Variants in FGF14 observed in about 807,000 individuals in gnomAD.
FGF14 encodes fibroblast growth factor 14.
Under a neutral mutation model 25.5 loss-of-function variants are expected in FGF14, and 5 were observed. The ratio of observed to expected loss-of-function variants is 0.20; its 90% CI spans 0.10 to 0.41. The LOEUF (loss-of-function observed/expected upper bound fraction) is 0.41, where lower values mean the gene tolerates loss of function less well. Ranked by LOEUF, FGF14 falls within the 10% of genes least tolerant of loss-of-function variation. The pLI is 1.00. For synonymous variants in FGF14, 138 were observed against 118.3 expected (o/e 1.17, Z -1.08); for missense variants, 222 against 320.1 (o/e 0.69, Z 2.34).
At chr13:102,014,560 G>T (rs1333925310) in intron 1 of FGF14, among the ~76,000 whole-genome samples, 1 of 152,104 alleles carries the variant, frequency 6.6e-6, no homozygotes, top group Non-Finnish European at 1.5e-5. Context: ...TTATCGAAAA[G>T]TGATTTACAT....
chr13:102,370,195 G>A (rs753919218), intron 1 of FGF14, among the ~76,000 whole-genome samples: 27 of 152,078 alleles, frequency 1.8e-4, no homozygotes, highest in Non-Finnish European at 3.5e-4. Flanking sequence ...GTTTCACTAT[G>A]TTGCTAAGGC....
chr13:102,093,566 A>G (rs9518624), intron 1 of FGF14, among the ~76,000 whole-genome samples: 59,159 of 151,970 alleles, frequency 0.39, 13,530 homozygotes, highest in Non-Finnish European at 0.51. Context: ...ACATATCACA[A>G]TAAAAAGTGA....
intron 1 of FGF14, among the ~76,000 whole-genome samples, chr13:102,306,298 G>A (rs1488873109): frequency 6.6e-6 from 1 of 152,162 alleles, no homozygotes; most frequent in Non-Finnish European, 1.5e-5. Context: ...AGGATACAAA[G>A]AAGATGAAGA....
intron 1 of FGF14, among the ~76,000 whole-genome samples, chr13:102,161,999 A>G (rs922950786): frequency 6.6e-6 from 1 of 152,074 alleles, no homozygotes; most frequent in Non-Finnish European, 1.5e-5. Context: ...TGTTAATATT[A>G]CTCTATAACT....
chr13:102,298,589 C>T (rs1018223477), intron 1 of FGF14, among the ~76,000 whole-genome samples: 4 of 151,904 alleles, frequency 2.6e-5, no homozygotes, highest in African/African-American at 9.7e-5. Flanking sequence ...TGGTAAGTTC[C>T]GGTTTTTATT....
chr13:101,994,701 T>C (rs2039087304), intron 1 of FGF14, among the ~76,000 whole-genome samples: 2 of 152,220 alleles, frequency 1.3e-5, no homozygotes, highest in Middle Eastern at 3.4e-3. Flanking sequence ...ATAAAATTAG[T>C]AGCATGCAAA....
At chr13:101,876,935 C>T (rs1350288687) in intron 1 of FGF14, among the ~76,000 whole-genome samples, 2 of 151,390 alleles carry the variant, frequency 1.3e-5, no homozygotes, top group South Asian at 2.1e-4. Context: ...GGAAAAGAAG[C>T]GAATAAAAGC....
intron 3 of FGF14, among the ~76,000 whole-genome samples, chr13:101,746,066 T>A (rs1243333161): frequency 2.0e-5 from 3 of 152,022 alleles, no homozygotes; most frequent in Non-Finnish European, 4.4e-5. Flanking sequence ...ATATGTATGG[T>A]ATTTAGATGT....
intron 1 of FGF14, among the ~76,000 whole-genome samples, chr13:101,907,485 A>G (rs183043625): frequency 2.6e-5 from 4 of 152,168 alleles, no homozygotes; most frequent in Non-Finnish European, 5.9e-5. Flanking sequence ...GCCAAATACT[A>G]TACGGGTAGG....
At chr13:101,835,708 A>T (rs1412515954) in intron 3 of FGF14, among the ~76,000 whole-genome samples, 1 of 152,022 alleles carries the variant, frequency 6.6e-6, no homozygotes, top group South Asian at 2.1e-4. Flanking sequence ...GACACTGGCA[A>T]GATGGAGGTC....
Position 101,824,731 on chromosome 13 carries a change from G to A in FGF14, c.408+43994C>T, listed in dbSNP as rs183267954. 1.1e-4 allele frequency among the ~76,000 whole-genome samples: 17 copies of A among 152,216 alleles called. No homozygotes were observed. The South Asian group carries it at 2.3e-3, about 20-fold the overall frequency. On this transcript the variant is annotated intron_variant, in intron 3 of 4. Transcript: ENST00000376143. The stretch of plus-strand genomic sequence containing the variant: ...ATGGGAGCTGGTTGCCAGAGGAACC[G>A]ACCACGTGATTTGAGGATTCCAGCT...
At chr13:102,199,018 G>A (rs745358873) in intron 1 of FGF14, among the ~76,000 whole-genome samples, 18 of 152,162 alleles carry the variant, frequency 1.2e-4, no homozygotes, top group South Asian at 8.3e-4. Flanking sequence ...AATATACAAA[G>A]AACTGGCTTA....
chr13:102,034,977 C>G (rs1368712040), intron 1 of FGF14, among the ~76,000 whole-genome samples: 1 of 152,096 alleles, frequency 6.6e-6, no homozygotes, highest in Non-Finnish European at 1.5e-5. Flanking sequence ...TCCTGGATGT[C>G]TAATACCATC....
At chr13:102,335,852 A>C (rs1189325866) in intron 1 of FGF14, among the ~76,000 whole-genome samples, 2 of 152,146 alleles carry the variant, frequency 1.3e-5, no homozygotes, top group African/African-American at 4.8e-5. Flanking sequence ...TATCTGTTAT[A>C]GTAATTTGTA....
At chr13:102,067,784 T>C (rs1019366729) in intron 1 of FGF14, among the ~76,000 whole-genome samples, 3 of 151,710 alleles carry the variant, frequency 2.0e-5, no homozygotes, top group Non-Finnish European at 4.4e-5. Flanking sequence ...CTAGAAAAAG[T>C]TATCAATACT....
intron 3 of FGF14, among the ~76,000 whole-genome samples, chr13:101,817,700 T>C (rs2041910957): frequency 6.6e-6 from 1 of 152,240 alleles, no homozygotes; most frequent in African/African-American, 2.4e-5. Context: ...GGCGCTCTGC[T>C]AAGTGACACT....
chr13:101,905,386 G>T (rs1262402883), intron 1 of FGF14, among the ~76,000 whole-genome samples: 2 of 152,174 alleles, frequency 1.3e-5, no homozygotes, highest in Non-Finnish European at 2.9e-5. Context: ...AAAAGGATGA[G>T]TTCATGTCCT....
chr13:102,384,418 T>C (rs2058255135), intron 1 of FGF14, among the ~76,000 whole-genome samples: 1 of 152,204 alleles, frequency 6.6e-6, no homozygotes, highest in South Asian at 2.1e-4. Flanking sequence ...CCCTCATTTA[T>C]GTATACTTGT....
chr13:101,743,692 T>C (rs965312712), intron 3 of FGF14, among the ~76,000 whole-genome samples: 1 of 152,184 alleles, frequency 6.6e-6, no homozygotes, highest in African/African-American at 2.4e-5. Context: ...GCTCTGTCTA[T>C]ATTTAAGTTT....
Sources: allele counts gnomAD v4.1 joint callset (sites outside exome capture counted in the v4.1 genomes callset), GRCh38; gene constraint gnomAD v4.1.1; transcripts MANE v1.5; gene names NCBI Gene and HGNC (gene_info 2026-07-23, HGNC 2026-07-21).